GRIP1: variants seen among roughly 807,000 people sequenced by gnomAD.
The protein encoded by GRIP1 is glutamate receptor interacting protein 1.
In GRIP1, 45 loss-of-function variants were observed where a neutral mutation model predicts 129.9. That is an observed-to-expected ratio of 0.35 (90% CI 0.27 to 0.44). The LOEUF (loss-of-function observed/expected upper bound fraction) is 0.44, where lower values mean the gene tolerates loss of function less well. GRIP1 is among the 20% of genes least tolerant of loss of function. The pLI, the probability that GRIP1 is intolerant of heterozygous loss-of-function variation, is 1.00. For missense variants in GRIP1, 1,196 were observed against 1,396.8 expected (o/e 0.86, Z 2.29); for synonymous variants, 530 against 520.8 (o/e 1.02, Z -0.24).
rs559086092 is a variant in GRIP1 at position 66,364,442 on chromosome 12, T to C, written c.3012+7252A>G. Among the ~76,000 whole-genome samples, 6 of 152,188 alleles carry C rather than the reference T, an allele frequency of 3.9e-5. No homozygotes were observed. In the South Asian group the frequency reaches 1.2e-3, roughly 32 times the overall value. ...ACCTCCTTCCCATTTCGTTCCTACA[T>C]AGGTAGCTGTATACCTTTCTCATAT... is the stretch of plus-strand genomic sequence containing the variant. On this transcript the variant is annotated intron_variant, in intron 23 of 24. Coordinates refer to ENST00000359742, the MANE Select transcript of GRIP1 (RefSeq NM_001366722.1).
chr12:66,539,247 C>T, intron 3 of GRIP1, 24 bp from the exon 4 acceptor site: 2 of 1,613,876 alleles, frequency 1.2e-6, no homozygotes, highest in Non-Finnish European at 1.7e-6. Flanking sequence ...AATGTTGTTT[C>T]AACAGACCCA....
intron 1 of GRIP1, among the ~76,000 whole-genome samples, chr12:66,656,088 C>A (rs1260767674): frequency 6.6e-6 from 1 of 152,056 alleles, no homozygotes; most frequent in African/African-American, 2.4e-5. Flanking sequence ...CTCCAGGCAT[C>A]CAATAGACTC....
chr12:67,069,132 C>T (rs1451057659), exon 1 of GRIP1: 2 of 985,048 alleles, frequency 2.0e-6, no homozygotes, highest in South Asian at 4.7e-5. Flanking sequence ...CGCTCGCTGT[C>T]GGGCTCGCTC....
intron 1 of GRIP1, among the ~76,000 whole-genome samples, chr12:66,956,548 C>T (rs1269380520): frequency 6.6e-6 from 1 of 152,132 alleles, no homozygotes; most frequent in East Asian, 1.9e-4. Context: ...TTGAGCTCCA[C>T]CTCTTGGAAA....
chr12:66,932,902 C>T (rs1045296263), intron 1 of GRIP1, among the ~76,000 whole-genome samples: 1 of 152,084 alleles, frequency 6.6e-6, no homozygotes. Context: ...CCCCTGACCT[C>T]GTGATCCACC....
chr12:66,386,398 C>T (rs1276911533), intron 19 of GRIP1, among the ~76,000 whole-genome samples: 4 of 152,104 alleles, frequency 2.6e-5, no homozygotes, highest in Non-Finnish European at 5.9e-5. Flanking sequence ...CTTTGGGAGG[C>T]CGAGGCAGGT....
At chr12:66,546,321 A>T (rs2061943842) in intron 2 of GRIP1, among the ~76,000 whole-genome samples, 1 of 125,834 alleles carries the variant, frequency 7.9e-6, no homozygotes, top group South Asian at 2.6e-4. Context: ...TCATCTCTGC[A>T]TAATTTTTTT....
At chr12:66,761,887 TC>T (rs1360225129) in intron 1 of GRIP1, among the ~76,000 whole-genome samples, 1 of 152,182 alleles carries the variant, frequency 6.6e-6, no homozygotes, top group East Asian at 1.9e-4. Flanking sequence ...AAGCATGGAT[TC>T]TGTAGCCATG....
At chr12:66,524,214 A>G (rs1159340155) in intron 5 of GRIP1, among the ~76,000 whole-genome samples, 1 of 152,182 alleles carries the variant, frequency 6.6e-6, no homozygotes, top group Non-Finnish European at 1.5e-5. Context: ...CCCCAAATCA[A>G]CAGAATATAC....
At chr12:66,698,050 A>G (rs943596247) in intron 1 of GRIP1, among the ~76,000 whole-genome samples, 1 of 152,188 alleles carries the variant, frequency 6.6e-6, no homozygotes, top group South Asian at 2.1e-4. Flanking sequence ...GTGATCCTAT[A>G]TTTGTAGAAA....
At chr12:66,813,802 A>T (rs2039152351) in intron 1 of GRIP1, among the ~76,000 whole-genome samples, 1 of 152,164 alleles carries the variant, frequency 6.6e-6, no homozygotes, top group Non-Finnish European at 1.5e-5. Context: ...CCCAGATACA[A>T]ATTGTGGGCT....
chr12:66,854,255 G>A (rs1005723726), intron 1 of GRIP1, among the ~76,000 whole-genome samples: 9 of 151,944 alleles, frequency 5.9e-5, no homozygotes, highest in Non-Finnish European at 1.3e-4. Flanking sequence ...AGAGAGGAAA[G>A]GAGTTGCAGG....
chr12:66,601,109 A>C (rs1394679488), intron 1 of GRIP1, among the ~76,000 whole-genome samples: 2 of 152,212 alleles, frequency 1.3e-5, no homozygotes, highest in African/African-American at 4.8e-5. Flanking sequence ...AGCATTAGTC[A>C]AGCATACACT....
intron 5 of GRIP1, 42 bp downstream of exon 5, chr12:66,529,789 G>A (rs1442172411): frequency 9.5e-7 from 1 of 1,054,604 alleles, no homozygotes; most frequent in Non-Finnish European, 1.5e-6. Context: ...AAAACCTATG[G>A]AAATATTTTT....
intron 9 of GRIP1, among the ~76,000 whole-genome samples, chr12:66,460,977 G>C (rs1281080918): frequency 6.6e-6 from 1 of 152,154 alleles, no homozygotes; most frequent in East Asian, 1.9e-4. Flanking sequence ...GAAAGACAGT[G>C]AACAACTTTC....
intron 5 of GRIP1, among the ~76,000 whole-genome samples, chr12:66,519,778 C>A (rs1592471176): frequency 1.3e-5 from 2 of 152,306 alleles, no homozygotes; most frequent in East Asian, 3.9e-4. Flanking sequence ...CAGACCAAAT[C>A]TGAACATCAA....
chr12:66,961,591 G>T (rs2041921826), intron 1 of GRIP1, among the ~76,000 whole-genome samples: 1 of 152,080 alleles, frequency 6.6e-6, no homozygotes. Context: ...CATGAGTTTG[G>T]GAAGTTCAGA....
chr12:66,505,052 A>G (rs1236153595), intron 7 of GRIP1, among the ~76,000 whole-genome samples: 3 of 152,170 alleles, frequency 2.0e-5, no homozygotes, highest in African/African-American at 7.2e-5. Flanking sequence ...GCCCTAAGCC[A>G]CAGATTCTGT....
chr12:67,021,198 A>G (rs967067546), intron 1 of GRIP1, among the ~76,000 whole-genome samples: 2 of 152,178 alleles, frequency 1.3e-5, no homozygotes, highest in Non-Finnish European at 2.9e-5. Flanking sequence ...TTGGATATCC[A>G]ATATGTAAAA....
Sources: gnomAD v4.1 joint callset for allele counts (sites outside exome capture counted in the v4.1 genomes callset) on GRCh38, gnomAD v4.1.1 for gene constraint, MANE v1.5 for transcripts, NCBI Gene and HGNC (gene_info 2026-07-23, HGNC 2026-07-21) for gene names.